The following NHS variants were observed in gnomAD, a reference collection of about 807,000 sequenced individuals.
The protein encoded by NHS is actin remodeling regulator NHS.
In NHS, 5 loss-of-function variants were observed where a neutral mutation model predicts 72.5. The ratio of observed to expected loss-of-function variants is 0.07; its 90% CI spans 0.04 to 0.14. NHS has a LOEUF of 0.14. NHS is among the 10% of genes least tolerant of loss of function. The probability of loss-of-function intolerance (pLI) is 1.00; values close to 1 mark genes in which losing one functional copy is unlikely to be tolerated. For missense variants in NHS, 1,072 were observed against 1,355.7 expected, an observed-to-expected ratio of 0.79 and a Z score of 3.29; for synonymous variants, 464 against 547.7, an observed-to-expected ratio of 0.85 and a Z score of 2.13.
At chrX:17,696,270 T>G (rs1653877934) in intron 3 of NHS, among the ~76,000 whole-genome samples, 1 of 112,028 alleles carries the variant, frequency 8.9e-6, no homozygotes, top group Non-Finnish European at 1.9e-5. Flanking sequence ...ACATGAACTC[T>G]TGGCTGCAGA....
At chrX:17,578,448 C>G (rs73189154) in intron 1 of NHS, among the ~76,000 whole-genome samples, 195 of 112,085 alleles carry the variant, frequency 1.7e-3, no homozygotes, top group Non-Finnish European at 1.9e-3. Flanking sequence ...CCAATTCTGT[C>G]TCTGCCACCT....
intron 1 of NHS, among the ~76,000 whole-genome samples, chrX:17,495,339 T>C (rs1323248491): frequency 1.8e-5 from 2 of 112,024 alleles, no homozygotes; most frequent in Non-Finnish European, 3.8e-5. Context: ...GATGAGTGGA[T>C]AGGAAAAAGC....
intron 1 of NHS, among the ~76,000 whole-genome samples, chrX:17,431,201 C>T (rs1197734010): frequency 8.9e-6 from 1 of 111,840 alleles, no homozygotes; most frequent in Non-Finnish European, 1.9e-5. Flanking sequence ...TCTTCTTCAG[C>T]CCTTTGAGGC....
At chrX:17,710,055 C>T (rs1018003882) in intron 3 of NHS, among the ~76,000 whole-genome samples, 6 of 111,812 alleles carry the variant, frequency 5.4e-5, no homozygotes, top group Non-Finnish European at 1.1e-4. Context: ...AAGTAAGTCC[C>T]TTCTTCCTCT....
chrX:17,714,440 C>T (rs1484842020), intron 3 of NHS, among the ~76,000 whole-genome samples: 1 of 111,536 alleles, frequency 9.0e-6, no homozygotes, highest in Non-Finnish European at 1.9e-5. Flanking sequence ...CAGGAGTCCC[C>T]TGTGGATCTG....
chrX:17,511,783 G>C lies in NHS; in HGVS notation c.565+135461G>C, dbSNP rs188488756. Among the ~76,000 whole-genome samples the C allele has an allele frequency of 1.3e-3, 145 of 111,762 alleles. 2 individuals are homozygous for C. The highest frequency in any genetic ancestry group is 1.3e-3 in the Non-Finnish European group (67 of 53,136). ...GATCTTACCACTTCAGTGTGCTCCAGTGGGATTTCCATCTATTTACATCTC... is the reference window on the plus strand; with the variant it reads ...GATCTTACCACTTCAGTGTGCTCCACTGGGATTTCCATCTATTTACATCTC... On this transcript the variant is annotated intron_variant, in intron 1 of 8. Transcript: ENST00000676302.
chrX:17,561,568 GCGCGCGCA>G lies in NHS; in HGVS notation c.566-126172_566-126165del, dbSNP rs1194553239. ...CACATGCAAGTGCATGCGCGCGCGC[GCGCGCGCA>G]CACACACACACACACACACACACAC... On this transcript the variant is annotated intron_variant, in intron 1 of 8. Transcript: ENST00000676302. Among the ~76,000 whole-genome samples, 277 of 65,586 alleles carry G rather than the reference GCGCGCGCA, an allele frequency of 4.2e-3. 1 individual carries two copies. Among genetic ancestry groups the G allele is most frequent in the African/African-American group, 0.019 (265 of 13,845 alleles). The allele number at this position is 65,586 out of a possible 115,157, so 57.0% of individuals were successfully genotyped here. A position where few individuals can be genotyped will look rare whatever the true frequency, so the allele number is the denominator to read the frequency against.
chrX:17,525,135 T>G (rs111698291), intron 1 of NHS, among the ~76,000 whole-genome samples: 8,657 of 111,858 alleles, frequency 0.077, 892 homozygotes, highest in African/African-American at 0.27. Flanking sequence ...AATACTTATT[T>G]TTTACTAGAT....
intron 1 of NHS, among the ~76,000 whole-genome samples, chrX:17,647,822 A>C (rs1160551344): frequency 2.7e-5 from 3 of 111,760 alleles, no homozygotes; most frequent in Non-Finnish European, 3.8e-5. Context: ...ATATCACCCA[A>C]AATCAAGCTG....
intron 1 of NHS, among the ~76,000 whole-genome samples, chrX:17,669,239 C>T (rs1045313647): frequency 3.6e-5 from 4 of 112,088 alleles, no homozygotes; most frequent in African/African-American, 1.3e-4. Context: ...CTTTCAGTGC[C>T]TCAGACGGAG....
chrX:17,722,890 T>C (rs1279313348), intron 5 of NHS, among the ~76,000 whole-genome samples: 3 of 111,339 alleles, frequency 2.7e-5, no homozygotes, highest in Non-Finnish European at 5.7e-5. Context: ...GGCCATTATT[T>C]TATGATTGAG....
At chrX:17,690,222 A>AC (rs1231217129) in intron 2 of NHS, among the ~76,000 whole-genome samples, 1 of 112,386 alleles carries the variant, frequency 8.9e-6, no homozygotes, top group Non-Finnish European at 1.9e-5. Context: ...TTAGAAAGTG[A>AC]CTTTTTTTTT....
intron 1 of NHS, among the ~76,000 whole-genome samples, chrX:17,522,682 G>A (rs1274736385): frequency 1.8e-5 from 2 of 110,945 alleles, no homozygotes; most frequent in Non-Finnish European, 3.8e-5. Flanking sequence ...CTGTAGCAGG[G>A]AAGCTTTCTT....
chrX:17,411,638 A>G (rs1284476813), intron 1 of NHS, among the ~76,000 whole-genome samples: 2 of 111,935 alleles, frequency 1.8e-5, no homozygotes, highest in African/African-American at 6.5e-5. Flanking sequence ...TATATCACCT[A>G]CAGATAATTA....
chrX:17,478,743 A>G (rs967144303), intron 1 of NHS, among the ~76,000 whole-genome samples: 21 of 111,741 alleles, frequency 1.9e-4, no homozygotes, highest in Middle Eastern at 4.6e-3. Context: ...TATCTAGACC[A>G]GTGCTGTCCA....
intron 3 of NHS, among the ~76,000 whole-genome samples, chrX:17,707,745 G>A (rs1053228856): frequency 4.5e-5 from 5 of 111,581 alleles, no homozygotes; most frequent in Admixed American, 9.5e-5. Context: ...TGTTTCAATA[G>A]TACTTGACCA....
At chrX:17,724,459 A>T (rs779170769) in intron 6 of NHS, 29 bp downstream of exon 6, 3 of 1,207,012 alleles carry the variant, frequency 2.5e-6, no homozygotes, top group South Asian at 1.8e-5. Flanking sequence ...TTAATGGTTA[A>T]CATTCCTCCG....
intron 1 of NHS, among the ~76,000 whole-genome samples, chrX:17,662,795 C>T (rs1336165519): frequency 8.9e-6 from 1 of 112,008 alleles, no homozygotes; most frequent in African/African-American, 3.2e-5. Context: ...TATCTCACCA[C>T]AGTTAAGAAA....
intron 1 of NHS, among the ~76,000 whole-genome samples, chrX:17,624,716 G>T (rs1298062003): frequency 4.4e-5 from 5 of 113,105 alleles, no homozygotes; most frequent in African/African-American, 1.3e-4. Context: ...TTGGTTATTT[G>T]TGGGTTTTGG....
Sources: allele counts gnomAD v4.1 joint callset (sites outside exome capture counted in the v4.1 genomes callset), GRCh38; gene constraint gnomAD v4.1.1; transcripts MANE v1.5; gene names NCBI Gene and HGNC (gene_info 2026-07-23, HGNC 2026-07-21).